Variants in TMEM255B observed in about 807,000 individuals in gnomAD.
TMEM255B encodes the protein transmembrane protein 255B, also known as family with sequence similarity 70, member B.
Under a neutral mutation model 34.5 loss-of-function variants are expected in TMEM255B, and 35 were observed. The observed-to-expected ratio is 1.01, with a 90% CI of 0.77 to 1.34. TMEM255B has a LOEUF of 1.34. Among genes scored for constraint, TMEM255B ranks in the 40% most tolerant of loss-of-function variants. The probability of loss-of-function intolerance (pLI) is 0.00; values close to 1 mark genes in which losing one functional copy is unlikely to be tolerated. For missense variants in TMEM255B, 432 were observed against 433.2 expected (o/e 1.00, Z 0.02); for synonymous variants, 206 against 201.2 (o/e 1.02, Z -0.20).
intron 4 of TMEM255B, among the ~76,000 whole-genome samples, chr13:113,798,594 T>TGATGGATG (rs763504973): frequency 6.8e-6 from 1 of 147,564 alleles, no homozygotes; most frequent in Non-Finnish European, 1.5e-5. Context: ...GGATAATGGA[T>TGATGGATG]GATGGATGGA....
chr13:113,764,787 T>C (rs1314422682), intron 1 of TMEM255B, among the ~76,000 whole-genome samples: 3 of 152,060 alleles, frequency 2.0e-5, no homozygotes, highest in African/African-American at 4.8e-5. Flanking sequence ...TGCAGCAACA[T>C]GTAAGAGAGG....
At chr13:113,807,924 G>A (rs73583262) in intron 8 of TMEM255B, among the ~76,000 whole-genome samples, 3,385 of 152,264 alleles carry the variant, frequency 0.022, 123 homozygotes, top group African/African-American at 0.076. Context: ...CATCCACCCT[G>A]GGGCTCTGGG....
intron 1 of TMEM255B, among the ~76,000 whole-genome samples, chr13:113,761,644 A>C (rs2050310296): frequency 6.6e-6 from 1 of 152,208 alleles, no homozygotes; most frequent in Non-Finnish European, 1.5e-5. Flanking sequence ...ACGCCGTCTT[A>C]AAGTTCACAC....
chr13:113,760,202 G>A (rs945465366), intron 1 of TMEM255B, among the ~76,000 whole-genome samples: 2 of 152,178 alleles, frequency 1.3e-5, no homozygotes, highest in African/African-American at 2.4e-5. Context: ...CTGCGGCATC[G>A]TTCGGAACCG....
intron 7 of TMEM255B, 147 bp from the exon 8 acceptor site, chr13:113,804,738 C>T (rs2051134585): frequency 1.8e-6 from 1 of 541,970 alleles, no homozygotes; most frequent in South Asian, 2.6e-5. Flanking sequence ...GGCGTTAGCT[C>T]CAGCCTGGGT....
intron 7 of TMEM255B, among the ~76,000 whole-genome samples, chr13:113,804,340 AG>A (rs2051122748): frequency 6.6e-6 from 1 of 152,192 alleles, no homozygotes; most frequent in African/African-American, 2.4e-5. Flanking sequence ...GGCTTGGGGA[AG>A]CGAGAGCCAT....
chr13:113,788,665 C>T (rs2050780313), intron 3 of TMEM255B, among the ~76,000 whole-genome samples: 1 of 152,134 alleles, frequency 6.6e-6, no homozygotes, highest in South Asian at 2.1e-4. Context: ...CGGGCCCTGG[C>T]TCTGTGCCGT....
intron 5 of TMEM255B, 126 bp from the exon 6 acceptor site, chr13:113,800,701 G>A: frequency 2.4e-6 from 2 of 842,446 alleles, no homozygotes; most frequent in Non-Finnish European, 3.8e-6. Flanking sequence ...GGGAAAGTCG[G>A]GGGAGGCAGC....
intron 1 of TMEM255B, among the ~76,000 whole-genome samples, chr13:113,764,438 G>A (rs72672437): frequency 0.2 from 29,769 of 152,164 alleles, 3,484 homozygotes; most frequent in African/African-American, 0.32. Flanking sequence ...ACCGGGCTGC[G>A]GCCTCTGGTG....
At chr13:113,789,415 C>G (rs981290869) in intron 3 of TMEM255B, among the ~76,000 whole-genome samples, 1 of 152,186 alleles carries the variant, frequency 6.6e-6, no homozygotes, top group African/African-American at 2.4e-5. Context: ...GATCTGGTTC[C>G]TGCTATGCAC....
At chr13:113,794,903 G>T (rs374382167) in intron 3 of TMEM255B, among the ~76,000 whole-genome samples, 12 of 152,240 alleles carry the variant, frequency 7.9e-5, no homozygotes, top group Admixed American at 7.9e-4. Flanking sequence ...CCGAGGGCCC[G>T]GGGATGGCAA....
At chr13:113,792,016 G>A (rs2050841375) in intron 3 of TMEM255B, among the ~76,000 whole-genome samples, 1 of 152,236 alleles carries the variant, frequency 6.6e-6, no homozygotes, top group African/African-American at 2.4e-5. Context: ...AACTGCGGGA[G>A]GCCCCAGAGC....
chr13:113,771,225 G>T (rs996016299), intron 3 of TMEM255B, among the ~76,000 whole-genome samples: 1 of 152,104 alleles, frequency 6.6e-6, no homozygotes, highest in South Asian at 2.1e-4. Context: ...GCCTGCCTGC[G>T]GAGGGAGTAA....
chr13:113,765,716 G>A (rs1218494010), intron 1 of TMEM255B, among the ~76,000 whole-genome samples: 3 of 152,194 alleles, frequency 2.0e-5, no homozygotes, highest in African/African-American at 4.8e-5. Flanking sequence ...GCTGGGATAG[G>A]CGGATAGAGA....
chr13:113,761,139 C>G (rs572084840), intron 1 of TMEM255B: 24 of 977,244 alleles, frequency 2.5e-5, no homozygotes, highest in Non-Finnish European at 2.9e-5. Context: ...ACTTGGACAC[C>G]ATGACTGGTG....
At chr13:113,794,917 C>T (rs978533577) in intron 3 of TMEM255B, among the ~76,000 whole-genome samples, 3 of 152,242 alleles carry the variant, frequency 2.0e-5, no homozygotes, top group Admixed American at 6.5e-5. Flanking sequence ...ATGGCAACGC[C>T]CTTCCGTGCA....
chr13:113,760,273 A>G (rs867715997), intron 1 of TMEM255B, among the ~76,000 whole-genome samples: 1 of 152,226 alleles, frequency 6.6e-6, no homozygotes, highest in Non-Finnish European at 1.5e-5. Context: ...AGAAACCACT[A>G]TATGCCTTCC....
intron 8 of TMEM255B, among the ~76,000 whole-genome samples, chr13:113,810,205 C>T (rs1210353317): frequency 6.6e-6 from 1 of 152,190 alleles, no homozygotes; most frequent in Non-Finnish European, 1.5e-5. Context: ...TCATGGGACC[C>T]TGCAGGCTGG....
Position 113,812,222 on chromosome 13 carries a change from A to G in TMEM255B, c.*319A>G, listed in dbSNP as rs901290207. 1 of 387,964 alleles carries G rather than the reference A, an allele frequency of 2.6e-6. No individual in the cohort carries two copies. The highest frequency in any genetic ancestry group is 4.6e-6 in the Non-Finnish European group (1 of 216,340). The allele number at this position is 387,964 out of a possible 1,614,324, so 24.0% of individuals were successfully genotyped here. On this transcript the variant is annotated 3_prime_UTR_variant, in exon 9 of 9. Transcript: ENST00000375353. ...ATCCCTTAATTAATTAGCTATTATTATGATTTTGCAAAGACAGTGCAGCCC... is the reference window on the plus strand; with the variant it reads ...ATCCCTTAATTAATTAGCTATTATTGTGATTTTGCAAAGACAGTGCAGCCC...
Sources: gnomAD v4.1 joint callset for allele counts (sites outside exome capture counted in the v4.1 genomes callset) on GRCh38, gnomAD v4.1.1 for gene constraint, MANE v1.5 for transcripts, NCBI Gene and HGNC (gene_info 2026-07-23, HGNC 2026-07-21) for gene names.